The following FSIP2 variants were observed in gnomAD, a reference collection of about 807,000 sequenced individuals.
FSIP2 encodes fibrous sheath-interacting protein 2.
Under a neutral mutation model 510.5 loss-of-function variants are expected in FSIP2, and 367 were observed. The ratio of observed to expected loss-of-function variants is 0.72; its 90% CI spans 0.66 to 0.78. The LOEUF (loss-of-function observed/expected upper bound fraction) is 0.78, where lower values mean the gene tolerates loss of function less well. Ranked by LOEUF, FSIP2 falls within the 30% of genes least tolerant of loss-of-function variation. The probability of loss-of-function intolerance (pLI) is 0.00; values close to 1 mark genes in which losing one functional copy is unlikely to be tolerated. For missense variants in FSIP2, 7,594 were observed against 7,901.7 expected (o/e 0.96, Z 1.48); for synonymous variants, 2,601 against 2,732.2 (o/e 0.95, Z 1.50).
rs984413569 is a variant in FSIP2 at position 185,790,799 on chromosome 2, A to G, written c.3663A>G (p.Lys1221=). 2 of 1,532,628 alleles carry G rather than the reference A, an allele frequency of 1.3e-6. No homozygotes were observed. The highest frequency in any genetic ancestry group is 2.7e-5 in the African/African-American group (2 of 72,748). 94.9% of individuals were successfully genotyped at this position (1,532,628 alleles called of 1,614,324 possible). Residue 1221 remains lysine, a synonymous_variant, in exon 16 of 23, where the codon AAA becomes AAG. Transcript: ENST00000424728. Reference sequence around the variant, plus strand: ...AAGCACCAAATAAATACCCATTAAAAACATGGTTTGACAGTGAAAAGAAAA... The same window carrying G: ...AAGCACCAAATAAATACCCATTAAAGACATGGTTTGACAGTGAAAAGAAAA... ...VKEAPNKYPL[K]TWFDSEKKMK...
At chr2:185,738,438 C>T (rs923993018), upstream of FSIP2, 18 of 633,546 alleles carry the variant, frequency 2.8e-5, no homozygotes, top group Non-Finnish European at 4.0e-5. Flanking sequence ...TGGGAAGAAG[C>T]TGTGGGAGCC....
rs1484430648 is a variant in FSIP2, at chr2:185,801,725, AT to A, written c.12421del (p.Ser4141HisfsTer3). 1 of 1,530,660 alleles carries A rather than the reference AT, an allele frequency of 6.5e-7. No homozygotes were observed. The highest frequency in any genetic ancestry group is 1.2e-5 in the South Asian group (1 of 83,062). 94.8% of individuals were successfully genotyped at this position (1,530,660 alleles called of 1,614,324 possible). On this transcript the variant is annotated frameshift_variant, in exon 17 of 23. Coordinates refer to ENST00000424728, the MANE Select transcript of FSIP2 (RefSeq NM_173651.4). LOFTEE classifies it high-confidence loss of function. ...TCAGACTATAGTACCATGTTATCAC[AT>A]TCATTTTTAGAAGATGTCATAAGAA... ...SSSDYSTMLS[H>X]SFLEDVIRRL...
chr2:185,745,601 A>G (rs779229570), intron 5 of FSIP2, 33 bp downstream of exon 5: 46 of 1,512,742 alleles, frequency 3.0e-5, no homozygotes, highest in Non-Finnish European at 3.7e-5. Context: ...TTTTATGGGT[A>G]TGTTGTGGAC....
At position 185,805,903 on chromosome 2, in the gene FSIP2, A is replaced by G; in HGVS notation, c.16597A>G (p.Ser5533Gly). The change falls in exon 17 of 23, where the codon AGT (serine) becomes GGT (glycine). Residue 5533 changes from serine (S) to glycine (G), a missense_variant. By Grantham distance (56) the Ser-to-Gly change is moderately conservative (BLOSUM62 0). Coordinates refer to ENST00000424728, the MANE Select transcript of FSIP2 (RefSeq NM_173651.4). ...NKVGICTQKH[S>G]ENVSKVTSTT... The stretch of plus-strand genomic sequence containing the variant: ...AGTGGGAATTTGTACTCAAAAACAT[A>G]GTGAGAATGTATCAAAAGTTACTTC... The G allele has an allele frequency of 6.2e-7, 1 of 1,604,126 alleles. No individual in the cohort carries two copies. The highest frequency in any genetic ancestry group is 8.5e-7 in the Non-Finnish European group (1 of 1,176,508).
At position 185,790,529 on chromosome 2, in the gene FSIP2, C is replaced by A; in HGVS notation, c.3393C>A (p.Ser1131Arg). 6.5e-7 allele frequency: 1 copy of A among 1,534,006 alleles called. No individual in the cohort carries two copies. The highest frequency in any genetic ancestry group is 8.7e-7 in the Non-Finnish European group (1 of 1,145,550). Residue 1131 changes from serine (S) to arginine (R), a missense_variant, in exon 16 of 23, where the codon AGC becomes AGA. By Grantham distance (110) the Ser-to-Arg change is moderately radical (BLOSUM62 -1). Transcript: ENST00000424728. ...ISSVPFGHLD[S>R]KTGSEASVLV... ...CCGTTCCTTTTGGTCACTTAGACAG[C>A]AAAACTGGCAGTGAAGCTTCAGTTC...
intron 13 of FSIP2, among the ~76,000 whole-genome samples, chr2:185,767,334 A>T (rs1316220979): frequency 1.3e-5 from 2 of 151,918 alleles, no homozygotes; most frequent in African/African-American, 4.8e-5. Context: ...ATAAAAATAA[A>T]AAAATAAAAA....
At chr2:185,828,363 G>A (rs1694051685) in intron 21 of FSIP2, among the ~76,000 whole-genome samples, 164 bp downstream of exon 21, 1 of 151,766 alleles carries the variant, frequency 6.6e-6, no homozygotes, top group Admixed American at 6.6e-5. Flanking sequence ...CCTAGCTGAG[G>A]CCTGTCCCTG....
chr2:185,812,890 C>G (rs141475054), intron 17 of FSIP2, among the ~76,000 whole-genome samples: 4 of 151,950 alleles, frequency 2.6e-5, no homozygotes, highest in African/African-American at 9.7e-5. Flanking sequence ...GATTCTGTGA[C>G]GTGGTCAAAA....
Position 185,808,508 on chromosome 2 carries a change from T to A in FSIP2, c.19202T>A (p.Ile6401Lys). 1 of 1,610,976 alleles carries A rather than the reference T, an allele frequency of 6.2e-7. No individual in the cohort carries two copies. The highest frequency in any genetic ancestry group is 8.5e-7 in the Non-Finnish European group (1 of 1,178,822). Residue 6401 changes from isoleucine to lysine, a missense_variant, in exon 17 of 23, where the codon ATA (isoleucine) becomes AAA (lysine). Physicochemically the swap from Ile to Lys is moderately radical, Grantham distance 102 (BLOSUM62 -3). Coordinates refer to ENST00000424728, the MANE Select transcript of FSIP2 (RefSeq NM_173651.4). ...AEISRSSISL[I>K]ASDPEEHCLN... ...ATTTCCAGAAGTAGCATTAGTCTAATAGCTTCTGATCCTGAAGAGCACTGT... is the reference window on the plus strand; with the variant it reads ...ATTTCCAGAAGTAGCATTAGTCTAAAAGCTTCTGATCCTGAAGAGCACTGT...
rs1360698732 is a variant in FSIP2, at chr2:185,813,584, G to C, written c.19867G>C (p.Asp6623His). ...RNSFQNIRKP[D>H]ITKVELLKDV... ...TTCATTTCAGAATATAAGAAAGCCT[G>C]ATATTACAAAGGTGGAGCTCTTAAA... Residue 6623 changes from aspartate to histidine, a missense_variant, in exon 18 of 23, where the codon GAT becomes CAT. By Grantham distance (81) the Asp-to-His change is moderately conservative (BLOSUM62 -1). Coordinates refer to ENST00000424728, the MANE Select transcript of FSIP2 (RefSeq NM_173651.4). 6.4e-7 allele frequency: 1 copy of C among 1,552,652 alleles called. No homozygotes were observed. Among genetic ancestry groups the C allele is most frequent in the Non-Finnish European group, 8.7e-7 (1 of 1,153,276 alleles).
rs1278323181 is a variant in FSIP2 at position 185,800,321 on chromosome 2, A to C, written c.11015A>C (p.Lys3672Thr). 3.9e-6 allele frequency: 6 copies of C among 1,533,584 alleles called. No individual in the cohort carries two copies. In the East Asian group the frequency reaches 9.8e-5, roughly 25 times the overall value. The allele number at this position is 1,533,584 out of a possible 1,614,324, so 95.0% of individuals were successfully genotyped here. Residue 3672 changes from lysine (K) to threonine (T), a missense_variant, in exon 17 of 23, where the codon AAG becomes ACG. Lys to Thr is a moderately conservative substitution (Grantham distance 78). Coordinates refer to ENST00000424728, the MANE Select transcript of FSIP2 (RefSeq NM_173651.4). ...ATTGGTCAACTTTTTCAAAAAAATA[A>C]GTTAAGTTATCTTGCATGTAAGTTA... ...QQIGQLFQKN[K>T]LSYLACKLNS...
Position 185,791,738 on chromosome 2 carries a change from C to A in FSIP2, c.4602C>A (p.Thr1534=). The A allele has an allele frequency of 6.5e-7, 1 of 1,534,458 alleles. No homozygotes were observed. The highest frequency in any genetic ancestry group is 1.2e-5 in the South Asian group (1 of 84,026). The change falls in exon 16 of 23, where the codon ACC becomes ACA. Residue 1534 remains threonine, a synonymous_variant. Coordinates refer to ENST00000424728, the MANE Select transcript of FSIP2 (RefSeq NM_173651.4). ...TTATTGAGAAAATGGCCAAATCCACCAAAATAATCTCCAGCATAGTTTCCA... is the reference window on the plus strand; with the variant it reads ...TTATTGAGAAAATGGCCAAATCCACAAAAATAATCTCCAGCATAGTTTCCA... The part of the protein sequence containing the change: ...ASIIEKMAKS[T]KIISSIVSRR...
chr2:185,747,159 A>T (rs1692050606), intron 6 of FSIP2, among the ~76,000 whole-genome samples, 154 bp from the exon 7 acceptor site: 1 of 152,098 alleles, frequency 6.6e-6, no homozygotes. Flanking sequence ...GTAGTAAGAA[A>T]AGTATATTCT....
intron 13 of FSIP2, among the ~76,000 whole-genome samples, chr2:185,782,011 T>C (rs1191544246): frequency 6.6e-6 from 1 of 152,196 alleles, no homozygotes; most frequent in Non-Finnish European, 1.5e-5. Flanking sequence ...AATCTTTTTG[T>C]ATTTTTAATA....
rs774271812 is a variant in FSIP2, at chr2:185,792,487, T to C, written c.5351T>C (p.Ile1784Thr). The C allele has an allele frequency of 3.3e-6, 5 of 1,530,308 alleles. No homozygotes were observed. The African/African-American group carries it at 4.1e-5, about 13-fold the overall frequency. 94.8% of individuals were successfully genotyped at this position (1,530,308 alleles called of 1,614,324 possible). The change falls in exon 16 of 23, where the codon ATT becomes ACT. Residue 1784 changes from isoleucine (I) to threonine (T), a missense_variant. Transcript: ENST00000424728. ...ISPIAPIIRNILNEIFQSTLI... is the reference protein window; with the variant it reads ...ISPIAPIIRNTLNEIFQSTLI... ...CCAATTGCTCCCATTATAAGAAATATTTTGAATGAAATTTTTCAAAGTACT... is the reference window on the plus strand; with the variant it reads ...CCAATTGCTCCCATTATAAGAAATACTTTGAATGAAATTTTTCAAAGTACT...
chr2:185,817,154 T>C (rs1005526566), intron 19 of FSIP2, among the ~76,000 whole-genome samples: 13 of 152,024 alleles, frequency 8.6e-5, no homozygotes, highest in African/African-American at 2.9e-4. Context: ...AGGAGCCCAA[T>C]TTACAGTTTC....
chr2:185,747,886 C>A (rs1361397436), intron 7 of FSIP2, among the ~76,000 whole-genome samples: 1 of 151,952 alleles, frequency 6.6e-6, no homozygotes, highest in Non-Finnish European at 1.5e-5. Flanking sequence ...TACACATACA[C>A]CCCCCAACAA....
Position 185,743,214 on chromosome 2 carries a change from C to A in FSIP2, c.307C>A (p.Pro103Thr), listed in dbSNP as rs368208553. ...AAACCAATATAAAAGCCTCCATGATCCACATTTAAAAGCATACTATAAGCG... is the reference window on the plus strand; with the variant it reads ...AAACCAATATAAAAGCCTCCATGATACACATTTAAAAGCATACTATAAGCG... ...LENQYKSLHDPHLKAYYKRKD... is the reference protein window; with the variant it reads ...LENQYKSLHDTHLKAYYKRKD... The change falls in exon 3 of 23, where the codon CCA becomes ACA. Residue 103 changes from proline to threonine, a missense_variant. By Grantham distance (38) the Pro-to-Thr change is conservative. Coordinates refer to ENST00000424728, the MANE Select transcript of FSIP2 (RefSeq NM_173651.4). The A allele has an allele frequency of 6.5e-7, 1 of 1,529,040 alleles. No homozygotes were observed. 94.7% of individuals were successfully genotyped at this position (1,529,040 alleles called of 1,614,324 possible).
At position 185,802,159 on chromosome 2, in the gene FSIP2, G is replaced by A; in HGVS notation, c.12853G>A (p.Val4285Ile). 1 of 1,533,214 alleles carries A rather than the reference G, an allele frequency of 6.5e-7. No homozygotes were observed. The highest frequency in any genetic ancestry group is 8.7e-7 in the Non-Finnish European group (1 of 1,145,056). The allele number at this position is 1,533,214 out of a possible 1,614,324, so 95.0% of individuals were successfully genotyped here. ...TCCAGTGTCTACTATTGTTACACAGGTTCTGAGTGAAGTGATAGAGTCACA... is the reference window on the plus strand; with the variant it reads ...TCCAGTGTCTACTATTGTTACACAGATTCTGAGTGAAGTGATAGAGTCACA... ...LDPVSTIVTQ[V>I]LSEVIESHRP... Residue 4285 changes from valine to isoleucine, a missense_variant, in exon 17 of 23, where the codon GTT (valine) becomes ATT (isoleucine). Val to Ile is a conservative substitution (Grantham distance 29). Coordinates refer to ENST00000424728, the MANE Select transcript of FSIP2 (RefSeq NM_173651.4).
Sources: gnomAD v4.1 joint callset for allele counts (sites outside exome capture counted in the v4.1 genomes callset) on GRCh38, gnomAD v4.1.1 for gene constraint, MANE v1.5 for transcripts, NCBI Gene and HGNC (gene_info 2026-07-23, HGNC 2026-07-21) for gene names.